DOCK1: variants seen among roughly 807,000 people sequenced by gnomAD.
DOCK1 encodes dedicator of cytokinesis 1.
Under a neutral mutation model 262.7 loss-of-function variants are expected in DOCK1, and 138 were observed. That is an observed-to-expected ratio of 0.53 (90% CI 0.46 to 0.61). The LOEUF (loss-of-function observed/expected upper bound fraction) is 0.61, where lower values mean the gene tolerates loss of function less well. DOCK1 is among the 20% of genes least tolerant of loss of function. The probability of loss-of-function intolerance (pLI) is 0.00; values close to 1 mark genes in which losing one functional copy is unlikely to be tolerated. For missense variants in DOCK1, 1,908 were observed against 2,370.7 expected (o/e 0.80, Z 4.05); for synonymous variants, 866 against 867.4 (o/e 1.00, Z 0.03).
At chr10:127,239,735 C>G (rs1017327943) in intron 27 of DOCK1, among the ~76,000 whole-genome samples, 1 of 151,922 alleles carries the variant, frequency 6.6e-6, no homozygotes, top group Non-Finnish European at 1.5e-5. Flanking sequence ...GATAAGACTT[C>G]GAAAATTCTA....
intron 33 of DOCK1, among the ~76,000 whole-genome samples, chr10:127,362,939 CCA>C (rs2064629986): frequency 2.2e-4 from 1 of 4,544 alleles, no homozygotes; most frequent in Non-Finnish European, 4.0e-4. Flanking sequence ...GCACATCCCC[CCA>C]CACACATACA....
intron 24 of DOCK1, among the ~76,000 whole-genome samples, chr10:127,109,790 T>C (rs1425396956): frequency 1.3e-5 from 2 of 152,236 alleles, no homozygotes; most frequent in Non-Finnish European, 2.9e-5. Flanking sequence ...TTTTTTTTAC[T>C]TTTTCAGTAT....
intron 1 of DOCK1, among the ~76,000 whole-genome samples, chr10:126,940,574 T>G (rs2034908649): frequency 6.6e-6 from 1 of 152,130 alleles, no homozygotes; most frequent in African/African-American, 2.4e-5. Flanking sequence ...CGGCTAATTT[T>G]TGTATTTTTA....
intron 1 of DOCK1, among the ~76,000 whole-genome samples, chr10:126,938,041 G>A (rs1466566210): frequency 6.8e-6 from 1 of 147,396 alleles, no homozygotes; most frequent in Non-Finnish European, 1.5e-5. Flanking sequence ...GAAGAGTCCA[G>A]CTTCATCTTT....
intron 47 of DOCK1, among the ~76,000 whole-genome samples, chr10:127,427,979 T>A (rs1591014711): frequency 6.6e-6 from 1 of 152,230 alleles, no homozygotes; most frequent in Non-Finnish European, 1.5e-5. Flanking sequence ...CTGCTGCAGG[T>A]GAACAGGCCT....
intron 32 of DOCK1, among the ~76,000 whole-genome samples, chr10:127,356,381 G>A (rs2064145339): frequency 6.6e-6 from 1 of 152,212 alleles, no homozygotes; most frequent in African/African-American, 2.4e-5. Flanking sequence ...AATTTTTCAA[G>A]AGCCTTCCAA....
chr10:127,166,693 T>G (rs1363833800), intron 27 of DOCK1, among the ~76,000 whole-genome samples: 1 of 152,210 alleles, frequency 6.6e-6, no homozygotes, highest in Non-Finnish European at 1.5e-5. Flanking sequence ...CAGTGGGAAA[T>G]AGAGCTCAAA....
intron 1 of DOCK1, among the ~76,000 whole-genome samples, chr10:126,950,100 C>G (rs2036073458): frequency 6.6e-6 from 1 of 151,918 alleles, no homozygotes; most frequent in Non-Finnish European, 1.5e-5. Flanking sequence ...AGTAATCCCT[C>G]CCTTGTAAAG....
rs553219730 is a variant in DOCK1, at chr10:127,012,559, C to T, written c.1201+185C>T. ...TACAGTGCATGATGGTTTTCTTGCCCGTCACCTTTGTGAACATTGCTGAGA... is the reference window on the plus strand; with the variant it reads ...TACAGTGCATGATGGTTTTCTTGCCTGTCACCTTTGTGAACATTGCTGAGA... On this transcript the variant is annotated intron_variant, in intron 12 of 51. Coordinates refer to ENST00000623213, the MANE Select transcript of DOCK1 (RefSeq NM_001290223.2). This position sits in a 1 kb window ranked among gnomAD's most constrained non-coding sequence, Gnocchi z 4.0. Among the ~76,000 whole-genome samples, 34 of 152,172 alleles carry T rather than the reference C, an allele frequency of 2.2e-4. No individual in the cohort carries two copies. Among genetic ancestry groups the T allele is most frequent in the South Asian group, 8.3e-4 (4 of 4,818 alleles).
chr10:127,338,255 C>T (rs2063285083), intron 29 of DOCK1, among the ~76,000 whole-genome samples: 1 of 152,192 alleles, frequency 6.6e-6, no homozygotes, highest in Non-Finnish European at 1.5e-5. Context: ...TAAGCACTTT[C>T]AAGCGTTATA....
rs1224508735 is a variant in DOCK1 at position 127,380,137 on chromosome 10, C to T, written c.3716+15C>T. ...ATGTATATAAGGTATGTATGCATCA[C>T]GCTTGTCTGCATGTTAATTATAAAT... is the stretch of plus-strand genomic sequence containing the variant. On this transcript the variant is annotated intron_variant, in intron 36 of 51. Transcript: ENST00000623213. The T allele has an allele frequency of 3.4e-6, 5 of 1,470,544 alleles. No homozygotes were observed. The highest frequency in any genetic ancestry group is 3.7e-6 in the Non-Finnish European group (4 of 1,093,844). The allele number at this position is 1,470,544 out of a possible 1,614,324, so 91.1% of individuals were successfully genotyped here.
At chr10:126,938,104 T>C (rs2034680066) in intron 1 of DOCK1, among the ~76,000 whole-genome samples, 1 of 151,670 alleles carries the variant, frequency 6.6e-6, no homozygotes, top group African/African-American at 2.4e-5. Flanking sequence ...TGGAGTGCAA[T>C]GGCACGATCT....
chr10:127,426,378 G>A (rs1219190841), intron 47 of DOCK1, among the ~76,000 whole-genome samples: 1 of 152,184 alleles, frequency 6.6e-6, no homozygotes, highest in Non-Finnish European at 1.5e-5. Flanking sequence ...ACACACAGAG[G>A]GTTCGGTCAT....
At chr10:127,317,788 A>G (rs1375470946) in intron 29 of DOCK1, among the ~76,000 whole-genome samples, 1 of 152,178 alleles carries the variant, frequency 6.6e-6, no homozygotes, top group Non-Finnish European at 1.5e-5. Context: ...TGCCACTCTC[A>G]TGCTGCTAGC....
At chr10:127,134,825 G>A (rs2050551777) in intron 27 of DOCK1, among the ~76,000 whole-genome samples, 1 of 152,150 alleles carries the variant, frequency 6.6e-6, no homozygotes, top group South Asian at 2.1e-4. Flanking sequence ...TGTGGTTGCA[G>A]ATACTGGGAA....
intron 29 of DOCK1, among the ~76,000 whole-genome samples, chr10:127,307,197 A>C (rs2061906706): frequency 6.6e-6 from 1 of 152,092 alleles, no homozygotes; most frequent in African/African-American, 2.4e-5. Context: ...TTCTGTGTTG[A>C]CAGCTGTCAT....
chr10:127,311,908 A>G (rs1175579127), intron 29 of DOCK1, among the ~76,000 whole-genome samples: 4 of 151,936 alleles, frequency 2.6e-5, no homozygotes, highest in Admixed American at 2.6e-4. Context: ...TCTGTCACCC[A>G]GGCTGGAGTG....
chr10:127,354,750 C>G (rs975428997), intron 32 of DOCK1, 23 bp downstream of exon 32: 1 of 1,613,594 alleles, frequency 6.2e-7, no homozygotes, highest in African/African-American at 1.3e-5. Context: ...GATGTGGGGG[C>G]ATAGTGAATA....
chr10:127,378,414 G>T (rs953209675), intron 35 of DOCK1, among the ~76,000 whole-genome samples: 1 of 152,148 alleles, frequency 6.6e-6, no homozygotes, highest in Non-Finnish European at 1.5e-5. Context: ...GGTGTGGGGG[G>T]ACTTGAGAGA....
Sources: allele counts gnomAD v4.1 joint callset (sites outside exome capture counted in the v4.1 genomes callset), GRCh38; gene constraint gnomAD v4.1.1; non-coding constraint Gnocchi (gnomAD v3.1); transcripts MANE v1.5; gene names NCBI Gene and HGNC (gene_info 2026-07-23, HGNC 2026-07-21).